Variants in GON4L observed in about 807,000 individuals in gnomAD.
The protein encoded by GON4L is gon-4 like, also known as GON-4-like protein.
In GON4L, 87 loss-of-function variants were observed where a neutral mutation model predicts 211.8. That is an observed-to-expected ratio of 0.41 (90% confidence interval 0.35 to 0.49). The LOEUF (loss-of-function observed/expected upper bound fraction) is 0.49, where lower values mean the gene tolerates loss of function less well. Among genes scored for constraint, GON4L ranks in the 20% least tolerant of loss-of-function variants. The pLI is 0.15. For synonymous variants in GON4L, 875 were observed against 962.6 expected, an observed-to-expected ratio of 0.91 and a Z score of 1.68; for missense variants, 2,155 against 2,659.5, an observed-to-expected ratio of 0.81 and a Z score of 4.17.
intron 12 of GON4L, among the ~76,000 whole-genome samples, chr1:155,791,416 G>A (rs963546548): frequency 1.3e-5 from 2 of 151,476 alleles, no homozygotes; most frequent in Non-Finnish European, 2.9e-5. Flanking sequence ...CATGGTGAGA[G>A]GTCTGGACAC....
intron 11 of GON4L, among the ~76,000 whole-genome samples, chr1:155,796,829 A>T (rs1038343135): frequency 1.4e-5 from 2 of 146,408 alleles, no homozygotes; most frequent in Non-Finnish European, 1.5e-5. Flanking sequence ...GAACTGATTT[A>T]AAAAAAAAAA....
In GON4L at chr1:155,762,736, A is replaced by G. The variant is rs202175150; in HGVS notation, c.4727-362T>C. Among the ~76,000 whole-genome samples, 76 of 152,346 alleles carry G rather than the reference A, an allele frequency of 5.0e-4. No homozygotes were observed. In the East Asian group the frequency reaches 0.015, roughly 29 times the overall value. ...CCCACACATGACAGATAAGGTAACA[A>G]TCAGTTTAACAAAGTGAACTGCCAG... On this transcript the variant is annotated intron_variant, in intron 22 of 31. Transcript: ENST00000368331.
At chr1:155,823,070 C>G (rs1668877421) in intron 3 of GON4L, among the ~76,000 whole-genome samples, 1 of 152,202 alleles carries the variant, frequency 6.6e-6, no homozygotes, top group Non-Finnish European at 1.5e-5. Flanking sequence ...GCTGGGATTA[C>G]AGGCATGTGC....
intron 8 of GON4L, 44 bp downstream of exon 8, chr1:155,815,761 C>T: frequency 8.9e-7 from 1 of 1,120,770 alleles, no homozygotes. Context: ...GCAAAGTATA[C>T]CCTGCTCTAT....
chr1:155,808,806 C>T (rs1361658552), intron 10 of GON4L, among the ~76,000 whole-genome samples: 1 of 151,940 alleles, frequency 6.6e-6, no homozygotes, highest in Non-Finnish European at 1.5e-5. Context: ...GGGACAAGGT[C>T]TCACTAGGTT....
chr1:155,818,871 G>A (rs547622935), intron 6 of GON4L, among the ~76,000 whole-genome samples: 1 of 152,146 alleles, frequency 6.6e-6, no homozygotes, highest in Admixed American at 6.5e-5. Flanking sequence ...GGTGGTGCAT[G>A]CCTATAATCC....
intron 12 of GON4L, among the ~76,000 whole-genome samples, chr1:155,794,094 C>T (rs1389430470): frequency 6.6e-6 from 1 of 151,002 alleles, no homozygotes; most frequent in African/African-American, 2.4e-5. Context: ...TTTTTTCAGG[C>T]GGAGCCTTGC....
upstream of GON4L, among the ~76,000 whole-genome samples, chr1:155,857,533 CACCCTGGCT>C (rs1672392401): frequency 6.6e-6 from 1 of 152,186 alleles, no homozygotes; most frequent in Non-Finnish European, 1.5e-5. Flanking sequence ...AGTTCGAGAT[CACCCTGGCT>C]AACATGGTGA....
At position 155,820,611 on chromosome 1, in the gene GON4L, CT is replaced by C; in HGVS notation, c.1008del (p.Gly337GlufsTer3). 2 of 1,607,468 alleles carry C rather than the reference CT, an allele frequency of 1.2e-6. No homozygotes were observed. The highest frequency in any genetic ancestry group is 1.7e-6 in the Non-Finnish European group (2 of 1,174,152). ...TRSKLKEVVE[K>X]GVVIPTWNIS... Reference sequence around the variant, plus strand: ...CAAAAAAACAGAATACTTACCACTCCTTTTTCCACTACTTCCTTCAGTTTAG... The same window carrying C: ...CAAAAAAACAGAATACTTACCACTCCTTTTCCACTACTTCCTTCAGTTTAG... On this transcript the variant is annotated frameshift_variant, in exon 6 of 32. Coordinates refer to ENST00000368331, the MANE Select transcript of GON4L (RefSeq NM_001282860.2). LOFTEE classifies it high-confidence loss of function.
chr1:155,850,925 C>T (rs1247816243), intron 2 of GON4L, among the ~76,000 whole-genome samples: 2 of 151,000 alleles, frequency 1.3e-5, no homozygotes, highest in Admixed American at 6.6e-5. Context: ...AGCGTGGCAG[C>T]GTGTGCCTGT....
At chr1:155,799,080 C>G (rs1445530678) in intron 11 of GON4L, among the ~76,000 whole-genome samples, 1 of 152,180 alleles carries the variant, frequency 6.6e-6, no homozygotes, top group African/African-American at 2.4e-5. Flanking sequence ...GGAGGCCACA[C>G]CCATCCTAAT....
intron 6 of GON4L, among the ~76,000 whole-genome samples, chr1:155,816,773 T>TAAA (rs34370558): frequency 0.047 from 3,669 of 77,982 alleles, 106 homozygotes; most frequent in Middle Eastern, 0.071. Context: ...TTTTTTTTCT[T>TAAA]AAAAAAAAAA....
chr1:155,806,635 G>C (rs1385652871), intron 10 of GON4L, among the ~76,000 whole-genome samples: 1 of 152,092 alleles, frequency 6.6e-6, no homozygotes, highest in Non-Finnish European at 1.5e-5. Context: ...AGAATTGCTT[G>C]GGTTTAGGAG....
In GON4L at chr1:155,816,257, A is replaced by G. The variant is rs776495190; in HGVS notation, c.1020T>C (p.Ile340=). The change falls in exon 7 of 32, where the codon ATT becomes ATC. Residue 340 remains isoleucine (I), a synonymous_variant. Coordinates refer to ENST00000368331, the MANE Select transcript of GON4L (RefSeq NM_001282860.2). ...TAATTGGTGAAATATTCCATGTTGG[A>G]ATTACCTACCAACAAAGAATATAAA... ...LKEVVEKGVV[I]PTWNISPIKK... is the part of the protein sequence containing the mutation. The G allele has an allele frequency of 1.2e-5, 16 of 1,280,474 alleles. No individual in the cohort carries two copies. The highest frequency in any genetic ancestry group is 3.9e-4 in the Middle Eastern group (2 of 5,168). 79.3% of individuals were successfully genotyped at this position (1,280,474 alleles called of 1,614,324 possible). A position where few individuals can be genotyped will look rare whatever the true frequency, so the allele number is the denominator to read the frequency against.
intron 9 of GON4L, 109 bp downstream of exon 9, chr1:155,814,221 A>C (rs1278097879): frequency 9.0e-7 from 1 of 1,107,176 alleles, no homozygotes; most frequent in Non-Finnish European, 1.4e-6. Context: ...AGAAACTTTG[A>C]AAAAGGGTGA....
rs375494067 is a variant in GON4L, at chr1:155,807,532, G to A, written c.1453-2391C>T. On this transcript the variant is annotated intron_variant, in intron 10 of 31. Transcript: ENST00000368331. ...ACTTCCTGGCTAACAGTGAAACCCCGTCTCTATAAAAAATACAAAAAATTA... is the reference window on the plus strand; with the variant it reads ...ACTTCCTGGCTAACAGTGAAACCCCATCTCTATAAAAAATACAAAAAATTA... Among the ~76,000 whole-genome samples, 56 of 151,474 alleles carry A rather than the reference G, an allele frequency of 3.7e-4. No individual in the cohort carries two copies. The South Asian group carries it at 0.011, about 29-fold the overall frequency.
chr1:155,836,375 G>A (rs1427428437), intron 2 of GON4L, among the ~76,000 whole-genome samples: 8 of 151,122 alleles, frequency 5.3e-5, no homozygotes, highest in African/African-American at 1.5e-4. Flanking sequence ...TCAGCCTCCC[G>A]AGTAGCTGGG....
chr1:155,833,566 A>C (rs1669991852), intron 2 of GON4L, among the ~76,000 whole-genome samples: 1 of 141,306 alleles, frequency 7.1e-6, no homozygotes, highest in Non-Finnish European at 1.5e-5. Flanking sequence ...GAATGGCGTG[A>C]ACCCGGGAGG....
At chr1:155,750,830 G>T (rs1660495208) in intron 31 of GON4L, 97 bp from the exon 32 acceptor site, 15 of 1,183,318 alleles carry the variant, frequency 1.3e-5, no homozygotes, top group Non-Finnish European at 1.7e-5. Context: ...GTGGCACTGT[G>T]TCAGCTTACT....
Sources: allele counts gnomAD v4.1 joint callset (sites outside exome capture counted in the v4.1 genomes callset), GRCh38; gene constraint gnomAD v4.1.1; transcripts MANE v1.5; gene names NCBI Gene and HGNC (gene_info 2026-07-23, HGNC 2026-07-21).